Variants in HACE1 observed in about 807,000 individuals in gnomAD.
The protein encoded by HACE1 is E3 ubiquitin-protein ligase HACE1.
In HACE1, 73 loss-of-function variants were observed where a neutral mutation model predicts 118.4. That is an observed-to-expected ratio of 0.62 (90% CI 0.51 to 0.75). The LOEUF is 0.75. HACE1 is among the 30% of genes least tolerant of loss of function. The probability of loss-of-function intolerance (pLI) is 0.00; values close to 1 mark genes in which losing one functional copy is unlikely to be tolerated. For missense variants in HACE1, 749 were observed against 1,102.2 expected (o/e 0.68, Z 4.54); for synonymous variants, 368 against 374.8 (o/e 0.98, Z 0.21).
chr6:104,753,727 C>T (rs1382128873), intron 19 of HACE1, among the ~76,000 whole-genome samples: 1 of 152,092 alleles, frequency 6.6e-6, no homozygotes, highest in Non-Finnish European at 1.5e-5. Flanking sequence ...AACAAAAAGA[C>T]CCCACAAAAA....
chr6:104,814,453 T>C (rs1197142488), intron 6 of HACE1, among the ~76,000 whole-genome samples: 1 of 138,758 alleles, frequency 7.2e-6, no homozygotes, highest in Non-Finnish European at 1.6e-5. Flanking sequence ...AAATAGATGG[T>C]TATAAATAAA....
intron 12 of HACE1, 123 bp from the exon 13 acceptor site, chr6:104,784,608 G>C: frequency 1.5e-6 from 1 of 679,576 alleles, no homozygotes; most frequent in South Asian, 2.0e-5. Flanking sequence ...ATTTGGTTTT[G>C]AATCTTCTTT....
At chr6:104,804,079 C>G (rs993445688) in intron 7 of HACE1, among the ~76,000 whole-genome samples, 4 of 152,042 alleles carry the variant, frequency 2.6e-5, no homozygotes, top group African/African-American at 9.7e-5. Flanking sequence ...AACAGACAAA[C>G]AGAGAGCCAA....
chr6:104,759,594 G>A (rs190468816), intron 19 of HACE1, among the ~76,000 whole-genome samples: 1 of 152,292 alleles, frequency 6.6e-6, no homozygotes, highest in East Asian at 1.9e-4. Flanking sequence ...ACAAGAGAAA[G>A]CAGGAGAGAT....
chr6:104,745,729 C>A (rs193263189), intron 20 of HACE1, among the ~76,000 whole-genome samples: 70 of 152,224 alleles, frequency 4.6e-4, no homozygotes, highest in Non-Finnish European at 9.7e-4. Flanking sequence ...GCGTGAACCA[C>A]CGTGCCCGGC....
chr6:104,736,086 T>C (rs1562252131), intron 22 of HACE1, among the ~76,000 whole-genome samples: 2 of 151,280 alleles, frequency 1.3e-5, no homozygotes, highest in South Asian at 2.1e-4. Flanking sequence ...GTTTTTTTTC[T>C]CCTATCTGAA....
At chr6:104,840,137 AG>A (rs1237374913) in intron 5 of HACE1, among the ~76,000 whole-genome samples, 2 of 152,244 alleles carry the variant, frequency 1.3e-5, no homozygotes, top group Non-Finnish European at 2.9e-5. Context: ...CAAAAAGTGC[AG>A]GGCAACTCTC....
intron 5 of HACE1, among the ~76,000 whole-genome samples, chr6:104,841,678 A>C (rs1023617938): frequency 5.3e-5 from 8 of 152,278 alleles, no homozygotes; most frequent in Non-Finnish European, 4.4e-5. Context: ...GGCCTTGAAA[A>C]CCAGCATGGT....
At chr6:104,796,167 G>A (rs1286324102) in intron 9 of HACE1, among the ~76,000 whole-genome samples, 1 of 152,158 alleles carries the variant, frequency 6.6e-6, no homozygotes, top group Non-Finnish European at 1.5e-5. Flanking sequence ...GTAGTGGGCA[G>A]TGACATGATC....
chr6:104,742,480 C>A (rs992830265), intron 22 of HACE1, among the ~76,000 whole-genome samples: 66 of 152,020 alleles, frequency 4.3e-4, no homozygotes, highest in African/African-American at 1.5e-3. Flanking sequence ...AAACAAACAA[C>A]CCCATCAAAA....
At chr6:104,776,218 TAA>T (rs1182431552) in intron 17 of HACE1, among the ~76,000 whole-genome samples, 1 of 152,168 alleles carries the variant, frequency 6.6e-6, no homozygotes, top group East Asian at 1.9e-4. Flanking sequence ...ATAAATAGAT[TAA>T]GAGTTGAAAT....
At chr6:104,784,952 GAA>G in intron 12 of HACE1, 31 bp downstream of exon 12, 7 of 1,249,858 alleles carry the variant, frequency 5.6e-6, no homozygotes, top group South Asian at 1.3e-5. Context: ...ATCTATCAGA[GAA>G]AAAAAAAATA....
intron 7 of HACE1, among the ~76,000 whole-genome samples, chr6:104,801,270 G>A (rs1175074878): frequency 6.6e-6 from 1 of 152,156 alleles, no homozygotes; most frequent in Non-Finnish European, 1.5e-5. Flanking sequence ...CAGGGAGAAT[G>A]GAACCAAGTT....
chr6:104,850,070 C>A (rs985622087), intron 3 of HACE1, among the ~76,000 whole-genome samples: 7 of 151,912 alleles, frequency 4.6e-5, no homozygotes, highest in Non-Finnish European at 1.0e-4. Context: ...CTGCCTCAGC[C>A]TCCCAAGTAG....
chr6:104,822,938 A>T (rs9486020), intron 6 of HACE1, among the ~76,000 whole-genome samples: 5,202 of 152,260 alleles, frequency 0.034, 282 homozygotes, highest in African/African-American at 0.12. Context: ...AAAACAATTT[A>T]TTCATTAGAC....
intron 22 of HACE1, among the ~76,000 whole-genome samples, chr6:104,737,129 A>G (rs931136041): frequency 6.9e-4 from 104 of 151,242 alleles, no homozygotes; most frequent in Admixed American, 3.3e-4. Context: ...ACTAAAAAAA[A>G]AAAAATACAA....
chr6:104,859,595 G>A lies in HACE1; in HGVS notation c.48C>T (p.Arg16=). 1 of 1,528,470 alleles carries A rather than the reference G, an allele frequency of 6.5e-7. No individual in the cohort carries two copies. The highest frequency in any genetic ancestry group is 2.5e-5 in the East Asian group (1 of 39,522). 94.7% of individuals were successfully genotyped at this position (1,528,470 alleles called of 1,614,324 possible). A position where few individuals can be genotyped will look rare whatever the true frequency, so the allele number is the denominator to read the frequency against. ...CGGGCAACTCCACGGTGCGCGCGCG[G>A]CGCAGCGAGCGCGTCAGGCGGTTGA... ...EQLNRLTRSL[R]RARTVELPED... Residue 16 remains arginine (R), a synonymous_variant, in exon 1 of 24, where the codon CGC becomes CGT. Coordinates refer to ENST00000262903, the MANE Select transcript of HACE1 (RefSeq NM_020771.4).
intron 7 of HACE1, among the ~76,000 whole-genome samples, chr6:104,804,678 C>T (rs1582561085): frequency 6.6e-6 from 1 of 152,252 alleles, no homozygotes; most frequent in East Asian, 1.9e-4. Context: ...AAACTGGATC[C>T]CTTCCTTACA....
intron 7 of HACE1, among the ~76,000 whole-genome samples, chr6:104,799,045 A>T (rs1380252306): frequency 1.3e-5 from 2 of 152,218 alleles, no homozygotes; most frequent in Non-Finnish European, 2.9e-5. Flanking sequence ...TTCATTTGAC[A>T]AATAAGTATT....
Sources: allele counts gnomAD v4.1 joint callset (sites outside exome capture counted in the v4.1 genomes callset), GRCh38; gene constraint gnomAD v4.1.1; transcripts MANE v1.5; gene names NCBI Gene and HGNC (gene_info 2026-07-23, HGNC 2026-07-21).